Variants in BTRC observed in about 807,000 individuals in gnomAD.
The protein encoded by BTRC is F-box/WD repeat-containing protein 1A.
In BTRC, 42 loss-of-function variants were observed where a neutral mutation model predicts 85.5. That is an observed-to-expected ratio of 0.49 (90% CI 0.38 to 0.64). BTRC has a LOEUF of 0.64. Among genes scored for constraint, BTRC ranks in the 30% least tolerant of loss-of-function variants. BTRC has a pLI of 0.00. For missense variants in BTRC, 594 were observed against 743.5 expected (o/e 0.80, Z 2.34); for synonymous variants, 255 against 263.3 (o/e 0.97, Z 0.30).
chr10:101,546,236 C>A (rs551011441), intron 13 of BTRC, among the ~76,000 whole-genome samples: 1 of 152,206 alleles, frequency 6.6e-6, no homozygotes, highest in South Asian at 2.1e-4. Context: ...ATAAAAGGTA[C>A]CTTAAAAAAT....
chr10:101,499,748 C>T (rs1310881275), intron 4 of BTRC, among the ~76,000 whole-genome samples: 1 of 151,228 alleles, frequency 6.6e-6, no homozygotes, highest in Non-Finnish European at 1.5e-5. Context: ...CGAGATTGCT[C>T]ACTATCAAAA....
intron 4 of BTRC, among the ~76,000 whole-genome samples, chr10:101,509,529 C>T: frequency 6.7e-6 from 1 of 149,116 alleles, no homozygotes; most frequent in Admixed American, 6.7e-5. Flanking sequence ...GCTGGGATTA[C>T]AGGCGTGAGC....
chr10:101,463,152 T>C (rs1945275497), intron 3 of BTRC, among the ~76,000 whole-genome samples: 1 of 152,026 alleles, frequency 6.6e-6, no homozygotes, highest in Non-Finnish European at 1.5e-5. Context: ...TTCAAGCGAC[T>C]CTTCTGCCTC....
chr10:101,476,705 A>G (rs1945698025), intron 3 of BTRC, among the ~76,000 whole-genome samples: 1 of 151,954 alleles, frequency 6.6e-6, no homozygotes, highest in Non-Finnish European at 1.5e-5. Flanking sequence ...CTACCTCCCA[A>G]AGTGCTGGGA....
intron 1 of BTRC, among the ~76,000 whole-genome samples, chr10:101,382,548 A>C (rs1433323571): frequency 6.6e-6 from 1 of 151,990 alleles, no homozygotes; most frequent in Non-Finnish European, 1.5e-5. Context: ...GCACTACTAC[A>C]TCAGAAGGCA....
At chr10:101,456,301 A>G (rs1177098000) in intron 2 of BTRC, among the ~76,000 whole-genome samples, 1 of 152,216 alleles carries the variant, frequency 6.6e-6, no homozygotes. Context: ...GGTCTGGACT[A>G]GAGTAGAAGC....
chr10:101,460,389 G>T (rs192537152), intron 2 of BTRC, among the ~76,000 whole-genome samples: 90 of 152,016 alleles, frequency 5.9e-4, no homozygotes, highest in African/African-American at 2.1e-3. Flanking sequence ...CCATTTTTTG[G>T]TAGATGATCT....
At chr10:101,533,864 T>G (rs2062339504) in intron 9 of BTRC, among the ~76,000 whole-genome samples, 1 of 152,184 alleles carries the variant, frequency 6.6e-6, no homozygotes, top group African/African-American at 2.4e-5. Context: ...AACTTGGCCC[T>G]TGTAGTTACT....
At chr10:101,467,367 G>A (rs1416906623) in intron 3 of BTRC, among the ~76,000 whole-genome samples, 1 of 144,046 alleles carries the variant, frequency 6.9e-6, no homozygotes, top group Non-Finnish European at 1.5e-5. Flanking sequence ...TTTTAGGTTA[G>A]TCACTTTAAT....
chr10:101,503,487 A>G (rs1946444451), intron 4 of BTRC, among the ~76,000 whole-genome samples: 2 of 152,248 alleles, frequency 1.3e-5, no homozygotes, highest in Non-Finnish European at 1.5e-5. Flanking sequence ...CAGATGCTGC[A>G]TCTAAACTAA....
rs185850582 is a variant in BTRC, at chr10:101,415,736, T to C, written c.49-14609T>C. On this transcript the variant is annotated intron_variant, in intron 1 of 14. Transcript: ENST00000370187. Reference sequence around the variant, plus strand: ...TTGTATTTTTAGTAGAGACAGGGTTTCATCATGTTGGCCAGGCTGGTCTGG... The same window carrying C: ...TTGTATTTTTAGTAGAGACAGGGTTCCATCATGTTGGCCAGGCTGGTCTGG... 4.3e-3 allele frequency among the ~76,000 whole-genome samples: 657 copies of C among 151,660 alleles called. 9 individuals are homozygous for C. Among genetic ancestry groups the C allele is most frequent in the African/African-American group, 0.015 (624 of 41,238 alleles).
At chr10:101,479,501 C>A in intron 4 of BTRC, 44 bp downstream of exon 4, 1 of 1,467,172 alleles carries the variant, frequency 6.8e-7, no homozygotes, top group Non-Finnish European at 9.5e-7. Context: ...CACACCATAA[C>A]AGTGCCATAT....
At chr10:101,482,674 C>T (rs764793129) in intron 4 of BTRC, among the ~76,000 whole-genome samples, 3 of 152,130 alleles carry the variant, frequency 2.0e-5, no homozygotes, top group Non-Finnish European at 4.4e-5. Flanking sequence ...GGATTACAGT[C>T]GTGAGCTGCC....
chr10:101,363,429 G>T (rs765722760), intron 1 of BTRC, among the ~76,000 whole-genome samples: 1 of 152,162 alleles, frequency 6.6e-6, no homozygotes, highest in Non-Finnish European at 1.5e-5. Context: ...TAGAATTTAA[G>T]GGAGGGGAAG....
At chr10:101,531,172 A>G (rs1046867207) in intron 6 of BTRC, 65 bp from the exon 7 acceptor site, 3 of 1,322,302 alleles carry the variant, frequency 2.3e-6, no homozygotes, top group African/African-American at 1.5e-5. Flanking sequence ...CTCTGTCTCA[A>G]AATATATATG....
intron 2 of BTRC, among the ~76,000 whole-genome samples, chr10:101,451,441 AG>A (rs1286721229): frequency 2.0e-5 from 3 of 152,178 alleles, no homozygotes; most frequent in Non-Finnish European, 4.4e-5. Flanking sequence ...ATTGGTTGAA[AG>A]GCAGCCATCT....
chr10:101,354,108 G>A (rs763961017), upstream of BTRC: 60 of 1,514,714 alleles, frequency 4.0e-5, no homozygotes, highest in Non-Finnish European at 5.2e-5. Context: ...CGGGATCCGG[G>A]CGCTGCGTTG....
intron 1 of BTRC, among the ~76,000 whole-genome samples, chr10:101,387,205 A>G (rs1177404624): frequency 1.3e-5 from 2 of 151,816 alleles, no homozygotes; most frequent in Non-Finnish European, 1.5e-5. Flanking sequence ...AAAAATTCAT[A>G]TTAAAAATTT....
At chr10:101,485,767 G>A (rs749040474) in intron 4 of BTRC, among the ~76,000 whole-genome samples, 1 of 152,072 alleles carries the variant, frequency 6.6e-6, no homozygotes, top group South Asian at 2.1e-4. Context: ...TAATAGGCTC[G>A]AGCTTGTCTT....
Sources: allele counts gnomAD v4.1 joint callset (sites outside exome capture counted in the v4.1 genomes callset), GRCh38; gene constraint gnomAD v4.1.1; transcripts MANE v1.5; gene names NCBI Gene and HGNC (gene_info 2026-07-23, HGNC 2026-07-21).